The following CPNE4 variants were observed in gnomAD, a reference collection of about 807,000 sequenced individuals.
CPNE4 encodes copine-4.
A neutral mutation model predicts 67.9 loss-of-function variants in CPNE4; 25 were observed. The ratio of observed to expected loss-of-function variants is 0.37; its 90% CI spans 0.27 to 0.51. The LOEUF (loss-of-function observed/expected upper bound fraction) is 0.51, where lower values mean the gene tolerates loss of function less well. Ranked by LOEUF, CPNE4 falls within the 20% of genes least tolerant of loss-of-function variation. The probability of loss-of-function intolerance (pLI) is 0.93; values close to 1 mark genes in which losing one functional copy is unlikely to be tolerated. For missense variants in CPNE4, 464 were observed against 690.8 expected, an observed-to-expected ratio of 0.67 and a Z score of 3.68; for synonymous variants, 242 against 244.9, an observed-to-expected ratio of 0.99 and a Z score of 0.11.
chr3:131,781,399 A>G (rs2083429493), intron 2 of CPNE4, among the ~76,000 whole-genome samples: 1 of 152,168 alleles, frequency 6.6e-6, no homozygotes, highest in African/African-American at 2.4e-5. Context: ...ATCAGAATTA[A>G]TGCTTCAAAT....
chr3:131,703,058 G>A (rs2081339666), intron 3 of CPNE4, among the ~76,000 whole-genome samples: 1 of 152,200 alleles, frequency 6.6e-6, no homozygotes, highest in African/African-American at 2.4e-5. Context: ...GGACAGTTGG[G>A]CAAAAATAGC....
chr3:131,900,588 A>T (rs115679055), intron 2 of CPNE4, among the ~76,000 whole-genome samples: 2,116 of 152,196 alleles, frequency 0.014, 42 homozygotes, highest in Non-Finnish European at 0.021. Flanking sequence ...CTCTGTCTCT[A>T]AGATAGGGTG....
At position 131,941,233 on chromosome 3, in the gene CPNE4, T is replaced by G. The variant is rs576161026; in HGVS notation, c.-1-35789A>C. Among the ~76,000 whole-genome samples, 14 of 152,192 alleles carry G rather than the reference T, an allele frequency of 9.2e-5. No individual in the cohort carries two copies. In the South Asian group the frequency reaches 2.5e-3, roughly 27 times the overall value. ...AAACTATAAAAGCTAAAAATTATATTAAGAACGAAGGTAATAAATACCCCA... is the reference window on the plus strand; with the variant it reads ...AAACTATAAAAGCTAAAAATTATATGAAGAACGAAGGTAATAAATACCCCA... On this transcript the variant is annotated intron_variant, in intron 1 of 15. Coordinates refer to ENST00000429747, the MANE Select transcript of CPNE4 (RefSeq NM_130808.3).
intron 7 of CPNE4, among the ~76,000 whole-genome samples, chr3:131,643,127 G>A (rs115962887): frequency 0.14 from 22,015 of 152,188 alleles, 1,883 homozygotes; most frequent in African/African-American, 0.24. Context: ...GGCTGAGGTG[G>A]TCTCTGACGG....
chr3:131,945,195 T>C (rs1344247902), intron 1 of CPNE4, among the ~76,000 whole-genome samples: 1 of 72,428 alleles, frequency 1.4e-5, no homozygotes, highest in Non-Finnish European at 2.7e-5. Context: ...CTATACCAGA[T>C]ACTTTTTACT....
At chr3:131,895,287 T>G (rs2107750940) in intron 2 of CPNE4, among the ~76,000 whole-genome samples, 1 of 152,126 alleles carries the variant, frequency 6.6e-6, no homozygotes, top group East Asian at 1.9e-4. Context: ...CTTCTGGTGT[T>G]TTAATGCACA....
At chr3:131,971,355 G>T (rs913429534) in intron 1 of CPNE4, among the ~76,000 whole-genome samples, 1 of 152,158 alleles carries the variant, frequency 6.6e-6, no homozygotes, top group South Asian at 2.1e-4. Flanking sequence ...AAGGCATCCA[G>T]CTCTCACAGA....
At chr3:131,708,879 A>G (rs2081481229) in intron 3 of CPNE4, among the ~76,000 whole-genome samples, 1 of 149,642 alleles carries the variant, frequency 6.7e-6, no homozygotes, top group Admixed American at 6.7e-5. Context: ...AGTTTATAGC[A>G]AGGACCTTAA....
chr3:131,954,003 C>A (rs2071859670), intron 1 of CPNE4, among the ~76,000 whole-genome samples: 1 of 152,020 alleles, frequency 6.6e-6, no homozygotes, highest in Non-Finnish European at 1.5e-5. Context: ...ATCACATACA[C>A]CCCATAAATA....
At chr3:131,904,052 G>T (rs765668555) in intron 2 of CPNE4, among the ~76,000 whole-genome samples, 2 of 152,098 alleles carry the variant, frequency 1.3e-5, no homozygotes, top group East Asian at 3.9e-4. Context: ...GGGGCCCATC[G>T]CTCTTTGAAG....
At chr3:131,689,190 G>C (rs1222197554) in intron 5 of CPNE4, among the ~76,000 whole-genome samples, 1 of 152,050 alleles carries the variant, frequency 6.6e-6, no homozygotes, top group Non-Finnish European at 1.5e-5. Flanking sequence ...TTTCTCCAAG[G>C]CTTAGTTTGC....
chr3:131,651,937 A>T (rs1349801048), intron 7 of CPNE4, among the ~76,000 whole-genome samples: 1 of 152,158 alleles, frequency 6.6e-6, no homozygotes, highest in African/African-American at 2.4e-5. Flanking sequence ...ACATGATTCT[A>T]AGGAGTCCTG....
intron 7 of CPNE4, among the ~76,000 whole-genome samples, chr3:131,626,248 A>C (rs1248382924): frequency 1.3e-5 from 2 of 152,210 alleles, no homozygotes; most frequent in East Asian, 3.8e-4. Context: ...AAAGCTATTA[A>C]GCTTGGTGGG....
chr3:132,034,764 G>A lies in CPNE4; in HGVS notation c.-199C>T, dbSNP rs2074311051. On this transcript the variant is annotated 5_prime_UTR_variant, in exon 1 of 16. Transcript: ENST00000429747. The stretch of plus-strand genomic sequence containing the variant: ...CAACAGCGGCTGGGAAAGGTGCTGA[G>A]AGCAGAGTTCGGTCTCTCCGGAAAC... 1 of 985,370 alleles carries A rather than the reference G, an allele frequency of 1.0e-6. No homozygotes were observed. Among genetic ancestry groups the A allele is most frequent in the Non-Finnish European group, 1.2e-6 (1 of 830,064 alleles). 61.0% of individuals were successfully genotyped at this position (985,370 alleles called of 1,614,324 possible). A position where few individuals can be genotyped will look rare whatever the true frequency, so the allele number is the denominator to read the frequency against.
chr3:131,737,122 T>C (rs2082256016), intron 2 of CPNE4, among the ~76,000 whole-genome samples: 1 of 123,732 alleles, frequency 8.1e-6, no homozygotes, highest in Non-Finnish European at 1.7e-5. Context: ...TGTCTTTTTT[T>C]TTTTTTTTTT....
chr3:131,724,865 C>T (rs1048859431), intron 2 of CPNE4, among the ~76,000 whole-genome samples: 6 of 152,252 alleles, frequency 3.9e-5, no homozygotes, highest in Middle Eastern at 3.4e-3. Context: ...GGATCCTTAT[C>T]GCTAAGGCTC....
intron 2 of CPNE4, among the ~76,000 whole-genome samples, chr3:131,734,323 C>T (rs1168488708): frequency 6.6e-6 from 1 of 152,108 alleles, no homozygotes; most frequent in Non-Finnish European, 1.5e-5. Flanking sequence ...ATAGCGGTAA[C>T]CTTGGATCTT....
intron 10 of CPNE4, among the ~76,000 whole-genome samples, chr3:131,573,037 T>C (rs1299019744): frequency 6.6e-6 from 1 of 152,116 alleles, no homozygotes; most frequent in Non-Finnish European, 1.5e-5. Flanking sequence ...ATAAAACATT[T>C]AGAATGAGAA....
chr3:131,841,414 T>G (rs1292148727), intron 2 of CPNE4, among the ~76,000 whole-genome samples: 1 of 152,160 alleles, frequency 6.6e-6, no homozygotes, highest in Non-Finnish European at 1.5e-5. Flanking sequence ...TGTGGCCTGT[T>G]AGGAACCAGG....
Sources: allele counts gnomAD v4.1 joint callset (sites outside exome capture counted in the v4.1 genomes callset), GRCh38; gene constraint gnomAD v4.1.1; transcripts MANE v1.5; gene names NCBI Gene and HGNC (gene_info 2026-07-23, HGNC 2026-07-21).